Variants in CA10 observed in about 807,000 individuals in gnomAD.
The protein encoded by CA10 is carbonic anhydrase-related protein 10.
A neutral mutation model predicts 44.2 loss-of-function variants in CA10; 14 were observed. The ratio of observed to expected loss-of-function variants is 0.32; its 90% CI spans 0.21 to 0.50. CA10 has a LOEUF of 0.50. Among genes scored for constraint, CA10 ranks in the 20% least tolerant of loss-of-function variants. The pLI, the probability that CA10 is intolerant of heterozygous loss-of-function variation, is 0.99. For missense variants in CA10, 350 were observed against 409.7 expected (o/e 0.85, Z 1.26); for synonymous variants, 159 against 141.6 (o/e 1.12, Z -0.87).
chr17:51,638,900 A>G (rs1438899445), intron 6 of CA10, among the ~76,000 whole-genome samples: 1 of 152,096 alleles, frequency 6.6e-6, no homozygotes, highest in Non-Finnish European at 1.5e-5. Flanking sequence ...CTAGAAAAAG[A>G]GTCAAGGAAG....
At chr17:51,649,292 C>G (rs768133242) in intron 5 of CA10, 38 bp from the exon 6 acceptor site, 3 of 1,420,666 alleles carry the variant, frequency 2.1e-6, no homozygotes, top group Non-Finnish European at 3.0e-6. Flanking sequence ...CTGGGCATCA[C>G]TCTTGCAGGA....
intron 3 of CA10, among the ~76,000 whole-genome samples, chr17:51,796,394 C>T (rs1478267613): frequency 2.0e-5 from 3 of 152,132 alleles, no homozygotes; most frequent in Non-Finnish European, 4.4e-5. Flanking sequence ...CCCCTCACCC[C>T]CAGGGATTGC....
At chr17:52,139,461 T>C (rs1417893001) in intron 1 of CA10, among the ~76,000 whole-genome samples, 1 of 151,498 alleles carries the variant, frequency 6.6e-6, no homozygotes, top group Non-Finnish European at 1.5e-5. Context: ...ATTTTTTTTT[T>C]TTTTTCGAAA....
At chr17:51,712,494 T>G (rs1915972168) in intron 4 of CA10, among the ~76,000 whole-genome samples, 1 of 152,212 alleles carries the variant, frequency 6.6e-6, no homozygotes, top group African/African-American at 2.4e-5. Context: ...AGTGCAGGAA[T>G]AGAGACATTT....
At chr17:51,668,166 G>C (rs1914275678) in intron 4 of CA10, among the ~76,000 whole-genome samples, 1 of 152,220 alleles carries the variant, frequency 6.6e-6, no homozygotes, top group Admixed American at 6.5e-5. Flanking sequence ...TATCCCTTGG[G>C]TAGCCGGAGT....
intron 2 of CA10, among the ~76,000 whole-genome samples, chr17:51,948,658 A>C (rs203004): frequency 0.97 from 147,828 of 152,230 alleles, 71,891 homozygotes; most frequent in East Asian, 1. Flanking sequence ...TTTTATTATG[A>C]CTTTTTTGTG....
chr17:52,145,452 T>C (rs1458064165), intron 1 of CA10, among the ~76,000 whole-genome samples: 2 of 152,156 alleles, frequency 1.3e-5, no homozygotes, highest in Non-Finnish European at 2.9e-5. Flanking sequence ...ACAGAAGTAG[T>C]AGTGGCAAAA....
chr17:51,913,038 G>A (rs754700052), intron 3 of CA10, among the ~76,000 whole-genome samples: 9 of 152,164 alleles, frequency 5.9e-5, no homozygotes, highest in Admixed American at 1.3e-4. Context: ...TGGGGAAGAG[G>A]CAGAAGCTAA....
At chr17:51,654,916 C>T (rs947811619) in intron 4 of CA10, among the ~76,000 whole-genome samples, 2 of 151,848 alleles carry the variant, frequency 1.3e-5, no homozygotes, top group Admixed American at 1.3e-4. Context: ...CCCCCCCCAC[C>T]ACCTCTTTCT....
intron 4 of CA10, among the ~76,000 whole-genome samples, chr17:51,678,469 A>G (rs1914708859): frequency 1.3e-5 from 2 of 152,244 alleles, no homozygotes; most frequent in Non-Finnish European, 2.9e-5. Flanking sequence ...AAAGCCGTTT[A>G]AAAAATATTT....
intron 1 of CA10, among the ~76,000 whole-genome samples, chr17:52,105,444 A>AG (rs1988640295): frequency 6.6e-6 from 1 of 151,978 alleles, no homozygotes; most frequent in African/African-American, 2.4e-5. Flanking sequence ...TTTAGTAGAG[A>AG]GGGGGTTTCA....
chr17:52,126,335 T>G (rs1989119143), intron 1 of CA10, among the ~76,000 whole-genome samples: 1 of 152,220 alleles, frequency 6.6e-6, no homozygotes, highest in South Asian at 2.1e-4. Flanking sequence ...TGTTATTATT[T>G]TAATTTTGAT....
chr17:51,831,733 A>AGCCGCCGCCGCCGCCGCCGCAGC (rs1567854687), intron 3 of CA10, among the ~76,000 whole-genome samples: 1 of 121,522 alleles, frequency 8.2e-6, no homozygotes, highest in African/African-American at 4.1e-5. Flanking sequence ...GCAGCAGCAG[A>AGCCGCCGCCGCCGCCGCCGCAGC]AAAAGACCTT....
intron 3 of CA10, among the ~76,000 whole-genome samples, chr17:51,806,834 G>C (rs1292976106): frequency 6.6e-6 from 1 of 152,222 alleles, no homozygotes; most frequent in African/African-American, 2.4e-5. Context: ...CTTCATTGGG[G>C]AAATTGTTGC....
chr17:52,072,408 A>G lies in CA10; in HGVS notation c.62-15T>C, dbSNP rs1157819709. ...ATTCTGTTGAGCTAAAGGAAAAGCA[A>G]AGAAGAGAGATTAAGATGATAGCAG... is the stretch of plus-strand genomic sequence containing the variant. On this transcript the variant is annotated splice_polypyrimidine_tract_variant and intron_variant, in intron 1 of 8. Coordinates refer to ENST00000451037, the MANE Select transcript of CA10 (RefSeq NM_020178.5). 9.4e-6 allele frequency: 15 copies of G among 1,593,506 alleles called. No homozygotes were observed. The highest frequency in any genetic ancestry group is 6.7e-5 in the East Asian group (3 of 44,750).
intron 3 of CA10, among the ~76,000 whole-genome samples, chr17:51,758,810 A>G (rs1193966810): frequency 6.6e-6 from 1 of 152,210 alleles, no homozygotes; most frequent in Non-Finnish European, 1.5e-5. Flanking sequence ...CCTTATGAAC[A>G]TTAAAAATCC....
Position 52,051,882 on chromosome 17 carries a change from T to C in CA10, c.136+20437A>G, listed in dbSNP as rs552632253. Reference sequence around the variant, plus strand: ...AGCAAAGACACGGAATCAACCTAAATGCCCATCAATGATAGACTGGATGAA... The same window carrying C: ...AGCAAAGACACGGAATCAACCTAAACGCCCATCAATGATAGACTGGATGAA... On this transcript the variant is annotated intron_variant, in intron 2 of 8. Transcript: ENST00000451037. Among the ~76,000 whole-genome samples the C allele has an allele frequency of 3.3e-5, 5 of 152,206 alleles. No individual in the cohort carries two copies. In the South Asian group the frequency reaches 1.0e-3, roughly 31 times the overall value.
At chr17:52,018,825 G>C (rs182458298) in intron 2 of CA10, among the ~76,000 whole-genome samples, 1 of 152,100 alleles carries the variant, frequency 6.6e-6, no homozygotes, top group African/African-American at 2.4e-5. Context: ...ATGTTCAAAT[G>C]TGACTTCCAG....
At chr17:51,880,034 C>A (rs1408846098) in intron 3 of CA10, among the ~76,000 whole-genome samples, 1 of 152,136 alleles carries the variant, frequency 6.6e-6, no homozygotes, top group African/African-American at 2.4e-5. Flanking sequence ...ACTGGCCAAT[C>A]CAGAATCCAC....
Sources: allele counts gnomAD v4.1 joint callset (sites outside exome capture counted in the v4.1 genomes callset), GRCh38; gene constraint gnomAD v4.1.1; transcripts MANE v1.5; gene names NCBI Gene and HGNC (gene_info 2026-07-23, HGNC 2026-07-21).